LLGL1: variants seen among roughly 807,000 people sequenced by gnomAD.
LLGL1 encodes lethal(2) giant larvae protein homolog 1.
Under a neutral mutation model 110.6 loss-of-function variants are expected in LLGL1, and 58 were observed. That is an observed-to-expected ratio of 0.52 (90% CI 0.42 to 0.65). The LOEUF is 0.65. Among genes scored for constraint, LLGL1 ranks in the 30% least tolerant of loss-of-function variants. The pLI is 0.00. For synonymous variants in LLGL1, 674 were observed against 607.2 expected, an observed-to-expected ratio of 1.11 and a Z score of -1.62; for missense variants, 1,229 against 1,462.1, an observed-to-expected ratio of 0.84 and a Z score of 2.60.
rs374204556 is a variant in LLGL1, at chr17:18,240,762, C to T, written c.2391C>T (p.Asp797=). 3.4e-5 allele frequency: 54 copies of T among 1,608,182 alleles called. No individual in the cohort carries two copies. The highest frequency in any genetic ancestry group is 1.8e-4 in the Middle Eastern group (1 of 5,548). The change falls in exon 17 of 23, where the codon GAC becomes GAT. Residue 797 remains aspartate, a synonymous_variant. Coordinates refer to ENST00000316843, the MANE Select transcript of LLGL1 (RefSeq NM_004140.4). The surrounding 1 kb of genome is among the most constrained non-coding windows in gnomAD (Gnocchi z 5.3). ...CTGTGGTGGCCATTGCCGTGTTGGA[C>T]GGGCGTGGCCGCCCACTGCCCGAGC... is the stretch of plus-strand genomic sequence containing the variant. ...RAPVVAIAVL[D]GRGRPLPEPY... is the part of the protein sequence containing the mutation.
chr17:18,225,794 C>A, intron 1 of LLGL1, 31 bp downstream of exon 1: 2 of 180,506 alleles, frequency 1.1e-5, no homozygotes, highest in Non-Finnish European at 1.8e-5. Context: ...CGGGCTCGGG[C>A]GGGAGGGGGC....
chr17:18,242,797 C>T lies in LLGL1; in HGVS notation c.3171C>T (p.His1057=), dbSNP rs1448310023. Residue 1057 remains histidine (H), a synonymous_variant, in exon 22 of 23, where the codon CAC becomes CAT. Coordinates refer to ENST00000316843, the MANE Select transcript of LLGL1 (RefSeq NM_004140.4). ...NLRNLAEDEA[H]ACAILIK The stretch of plus-strand genomic sequence containing the variant: ...GGAACCTGGCAGAAGACGAGGCCCA[C>T]GCCTGTGCCATCCTGATCAAATGAG... 30 of 1,559,624 alleles carry T rather than the reference C, an allele frequency of 1.9e-5. 2 individuals are homozygous for T. The South Asian group carries it at 2.6e-4, about 14-fold the overall frequency.
chr17:18,241,678 C>T lies in LLGL1; in HGVS notation c.2730C>T (p.Ser910=), dbSNP rs752194023. The T allele has an allele frequency of 3.7e-6, 6 of 1,613,508 alleles. No individual in the cohort carries two copies. The highest frequency in any genetic ancestry group is 2.2e-5 in the East Asian group (1 of 44,900). ...CCTGCATCCGGAAGGAGGACATCAG[C>T]GGCATCGCTTCGTGCGTCTTTACGC... ...HYSCIRKEDI[S]GIASCVFTRH... Residue 910 remains serine (S), a synonymous_variant, in exon 18 of 23, where the codon AGC becomes AGT. Coordinates refer to ENST00000316843, the MANE Select transcript of LLGL1 (RefSeq NM_004140.4).
Position 18,237,501 on chromosome 17 carries a change from T to C in LLGL1, c.1632T>C (p.Ser544=). The C allele has an allele frequency of 6.3e-7, 1 of 1,593,510 alleles. No individual in the cohort carries two copies. Among genetic ancestry groups the C allele is most frequent in the Non-Finnish European group, 8.6e-7 (1 of 1,167,196 alleles). ...CTCAGGTGCTGGTACTGGAGCTTAGTGATGTGCCGGTGGAGCAGGCGGTCA... is the reference window on the plus strand; with the variant it reads ...CTCAGGTGCTGGTACTGGAGCTTAGCGATGTGCCGGTGGAGCAGGCGGTCA... ...TAGQVLVLEL[S]DVPVEQAVSV... is the part of the protein sequence containing the mutation. Residue 544 remains serine (S), a synonymous_variant, in exon 14 of 23, where the codon AGT becomes AGC. Coordinates refer to ENST00000316843, the MANE Select transcript of LLGL1 (RefSeq NM_004140.4).
intron 17 of LLGL1, chr17:18,241,208 G>C (rs1291729302): frequency 1.6e-6 from 1 of 608,954 alleles, no homozygotes; most frequent in East Asian, 2.8e-5. Flanking sequence ...GATACCAGCT[G>C]CATAACCTTG....
At position 18,240,320 on chromosome 17, in the gene LLGL1, G is replaced by A. The variant is rs1478618534; in HGVS notation, c.2207-258G>A. ...CAGCATTCTGTGCAGATGCGCTACA[G>A]CTGTTCGGGCCTCTGCAGGAGGGCT... On this transcript the variant is annotated intron_variant, in intron 16 of 22. Transcript: ENST00000316843. This position sits in a 1 kb window ranked among gnomAD's most constrained non-coding sequence, Gnocchi z 5.3. Among the ~76,000 whole-genome samples the A allele has an allele frequency of 6.6e-6, 1 of 152,172 alleles. No individual in the cohort carries two copies. Among genetic ancestry groups the A allele is most frequent in the African/African-American group, 2.4e-5 (1 of 41,412 alleles).
intron 18 of LLGL1, 74 bp from the exon 19 acceptor site, chr17:18,241,811 A>ACAGGCC: frequency 1.2e-6 from 2 of 1,606,344 alleles, no homozygotes; most frequent in Admixed American, 3.3e-5. Context: ...CCAGGTGGGC[A>ACAGGCC]CAGGCCCAGG....
At chr17:18,226,921 A>G (rs1391838855) in intron 1 of LLGL1, among the ~76,000 whole-genome samples, 1 of 152,240 alleles carries the variant, frequency 6.6e-6, no homozygotes, top group African/African-American at 2.4e-5. Flanking sequence ...AATACAGGTG[A>G]GAAAATTGAG....
chr17:18,235,050 C>G (rs755876907), intron 9 of LLGL1, 39 bp from the exon 10 acceptor site: 1 of 1,613,738 alleles, frequency 6.2e-7, no homozygotes, highest in Non-Finnish European at 8.5e-7. Context: ...CCTCTGCCAC[C>G]TATGGCTGTG....
intron 2 of LLGL1, among the ~76,000 whole-genome samples, chr17:18,231,782 C>G (rs2047576006): frequency 6.6e-6 from 1 of 152,208 alleles, no homozygotes; most frequent in African/African-American, 2.4e-5. Flanking sequence ...GCCTCAGCCT[C>G]CCAAATAGCT....
intron 17 of LLGL1, 180 bp downstream of exon 17, chr17:18,241,053 A>C (rs964739024): frequency 5.9e-6 from 4 of 672,790 alleles, no homozygotes; most frequent in African/African-American, 3.6e-5. Context: ...AAGAACCCTG[A>C]TGCCCCCTCA....
In LLGL1 at chr17:18,242,203, A is replaced by T. The variant is rs755811344; in HGVS notation, c.2920A>T (p.Asn974Tyr). ...AGAGTCACCCAAGCTGAGCCAGGCT[A>T]ACGGGACCCCAAGCATCCTGCTGGC... Reference protein sequence around the residue: ...IRESPKLSQANGTPSILLAPQ... With the variant: ...IRESPKLSQAYGTPSILLAPQ... Residue 974 changes from asparagine to tyrosine, a missense_variant, in exon 20 of 23, where the codon AAC becomes TAC. Coordinates refer to ENST00000316843, the MANE Select transcript of LLGL1 (RefSeq NM_004140.4). 1 of 1,614,030 alleles carries T rather than the reference A, an allele frequency of 6.2e-7. No individual in the cohort carries two copies.
chr17:18,235,072 C>A lies in LLGL1; in HGVS notation c.1061-17C>A. 6.2e-7 allele frequency: 1 copy of A among 1,613,904 alleles called. No individual in the cohort carries two copies. Among genetic ancestry groups the A allele is most frequent in the Non-Finnish European group, 8.5e-7 (1 of 1,179,934 alleles). On this transcript the variant is annotated splice_polypyrimidine_tract_variant and intron_variant, in intron 9 of 22. Transcript: ENST00000316843. ...CACCTATGGCTGTGCTCACCCCATA[C>A]TCCCTCCGTCCCACAGAATTTGATG...
At chr17:18,236,976 G>A (rs1306123276) in intron 13 of LLGL1, 37 bp downstream of exon 13, 1 of 1,540,612 alleles carries the variant, frequency 6.5e-7, no homozygotes, top group African/African-American at 1.4e-5. Context: ...AGATGTCAGG[G>A]AGGGCTTTCT....
rs201514093 is a variant in LLGL1 at position 18,241,529 on chromosome 17, G to A, written c.2581G>A (p.Ala861Thr). The change falls in exon 18 of 23, where the codon GCA (alanine) becomes ACA (threonine). Residue 861 changes from alanine (A) to threonine (T), a missense_variant. Transcript: ENST00000316843. ...TGAGGGCTGTCGTGTGCGCAAGGTG[G>A]CACTGGCCACGTTTGCCAGTGTGGC... is the stretch of plus-strand genomic sequence containing the variant. ...AHEGCRVRKV[A>T]LATFASVACE... 256 of 1,613,716 alleles carry A rather than the reference G, an allele frequency of 1.6e-4. 1 individual carries two copies. The highest frequency in any genetic ancestry group is 4.0e-5 in the African/African-American group (3 of 74,936).
chr17:18,232,392 C>T lies in LLGL1; in HGVS notation c.180-103C>T, dbSNP rs543001725. ...GACTCCTGGATGGTCAGGCCCATGC[C>T]GGGGCCCACTGGAATAGTCCGGGTC... On this transcript the variant is annotated intron_variant, in intron 2 of 22. Transcript: ENST00000316843. 9.6e-6 allele frequency: 10 copies of T among 1,042,746 alleles called. No individual in the cohort carries two copies. In the South Asian group the frequency reaches 1.1e-4, roughly 12 times the overall value. 64.6% of individuals were successfully genotyped at this position (1,042,746 alleles called of 1,614,324 possible). A position where few individuals can be genotyped will look rare whatever the true frequency, so the allele number is the denominator to read the frequency against.
intron 17 of LLGL1, 132 bp downstream of exon 17, chr17:18,241,005 C>T: frequency 3.0e-6 from 3 of 987,556 alleles, no homozygotes; most frequent in Non-Finnish European, 4.4e-6. Context: ...TCCCTTGCAC[C>T]CCAGAAAACA....
At chr17:18,227,562 T>G (rs1383969081) in intron 1 of LLGL1, among the ~76,000 whole-genome samples, 1 of 152,164 alleles carries the variant, frequency 6.6e-6, no homozygotes, top group East Asian at 1.9e-4. Flanking sequence ...AGTTTTTGTA[T>G]TTTTTGTAGA....
Position 18,234,456 on chromosome 17 carries a change from A to G in LLGL1, c.850+48A>G. The G allele has an allele frequency of 3.8e-6, 6 of 1,598,824 alleles. No homozygotes were observed. The South Asian group carries it at 4.4e-5, about 12-fold the overall frequency. On this transcript the variant is annotated intron_variant, in intron 7 of 22. Coordinates refer to ENST00000316843, the MANE Select transcript of LLGL1 (RefSeq NM_004140.4). ...CCAGAGGGTGGTGATGGGAGGGGGC[A>G]CCACTGAGCCAAGCCAAACTGGCTG...
Sources: gnomAD v4.1 joint callset for allele counts (sites outside exome capture counted in the v4.1 genomes callset) on GRCh38, gnomAD v4.1.1 for gene constraint, Gnocchi (gnomAD v3.1) non-coding constraint, MANE v1.5 for transcripts, NCBI Gene and HGNC (gene_info 2026-07-23, HGNC 2026-07-21) for gene names.